HIVEP3: variants seen among roughly 807,000 people sequenced by gnomAD.
The protein encoded by HIVEP3 is transcription factor HIVEP3.
HIVEP3 carries 49 observed loss-of-function variants against 152.8 expected under a neutral mutation model. The observed-to-expected ratio is 0.32, with a 90% CI of 0.26 to 0.41. HIVEP3 has a LOEUF of 0.41. HIVEP3 is among the 10% of genes least tolerant of loss of function. The pLI is 1.00. For missense variants in HIVEP3, 2,790 were observed against 3,103.3 expected, an observed-to-expected ratio of 0.90 and a Z score of 2.40; for synonymous variants, 1,269 against 1,289.0, an observed-to-expected ratio of 0.98 and a Z score of 0.33.
Position 41,889,030 on chromosome 1 carries a change from C to T in HIVEP3, c.-801+29383G>A, listed in dbSNP as rs560204470. 3.2e-3 allele frequency among the ~76,000 whole-genome samples: 471 copies of T among 146,544 alleles called. 3 individuals carry two copies. The highest frequency in any genetic ancestry group is 0.012 in the African/African-American group (450 of 38,802). ...ACATACACACACCACATACCTCACACGCTACACACACACACACACACCACA... is the reference window on the plus strand; with the variant it reads ...ACATACACACACCACATACCTCACATGCTACACACACACACACACACCACA... On this transcript the variant is annotated intron_variant, in intron 1 of 8. Coordinates refer to ENST00000372583, the MANE Select transcript of HIVEP3 (RefSeq NM_024503.5).
At chr1:41,933,863 C>A (rs1405175102) in intron 1 of HIVEP3, among the ~76,000 whole-genome samples, 1 of 152,036 alleles carries the variant, frequency 6.6e-6, no homozygotes, top group Non-Finnish European at 1.5e-5. Context: ...GAAGCAGCAG[C>A]CTTCCCAGTG....
rs35313511 is a variant in HIVEP3 at position 41,745,950 on chromosome 1, C to A, written c.-800-44955G>T. ...GGCATCAAGAATCCTCAATCAGTAT[C>A]TGTTAAATGAATAAATGAAGGAATG... On this transcript the variant is annotated intron_variant, in intron 1 of 8. Coordinates refer to ENST00000372583, the MANE Select transcript of HIVEP3 (RefSeq NM_024503.5). Among the ~76,000 whole-genome samples the A allele has an allele frequency of 5.9e-3, 893 of 152,316 alleles. 4 individuals are homozygous for A. The highest frequency in any genetic ancestry group is 0.031 in the Middle Eastern group (9 of 294).
At chr1:41,655,582 CAAAAAAAAAAAA>C (rs55918119) in intron 2 of HIVEP3, among the ~76,000 whole-genome samples, 6 of 57,410 alleles carry the variant, frequency 1.0e-4, no homozygotes, top group African/African-American at 2.7e-4. Context: ...CACTCCATCT[CAAAAAAAAAAAA>C]AAAAAAAAAA....
Position 41,524,720 on chromosome 1 carries a change from C to G in HIVEP3, c.5383+15G>C, listed in dbSNP as rs1418054107. ...GCAGCGGGCAGGGGCAGTGCCCCAG[C>G]TGACTCTCTCTTACCTTTGGTTTTA... On this transcript the variant is annotated intron_variant, in intron 6 of 8. Coordinates refer to ENST00000372583, the MANE Select transcript of HIVEP3 (RefSeq NM_024503.5). 6.2e-7 allele frequency: 1 copy of G among 1,612,494 alleles called. No homozygotes were observed. Among genetic ancestry groups the G allele is most frequent in the Non-Finnish European group, 8.5e-7 (1 of 1,179,368 alleles).
chr1:41,867,133 A>G (rs536898021), intron 1 of HIVEP3, among the ~76,000 whole-genome samples: 24 of 152,048 alleles, frequency 1.6e-4, no homozygotes, highest in Admixed American at 1.3e-3. Flanking sequence ...GAGAGGGGAC[A>G]CTCCAGCAGG....
At chr1:41,801,676 G>A (rs778091220) in intron 1 of HIVEP3, among the ~76,000 whole-genome samples, 3 of 151,814 alleles carry the variant, frequency 2.0e-5, no homozygotes, top group Non-Finnish European at 4.4e-5. Flanking sequence ...CCCGGGAGGC[G>A]GAGCTTGCAG....
chr1:41,745,055 G>C (rs1647051921), intron 1 of HIVEP3, among the ~76,000 whole-genome samples: 1 of 152,196 alleles, frequency 6.6e-6, no homozygotes, highest in African/African-American at 2.4e-5. Context: ...CAGAACCTGG[G>C]GGTCCCAGCA....
At chr1:41,685,108 A>G (rs1462484055) in intron 2 of HIVEP3, among the ~76,000 whole-genome samples, 1 of 152,094 alleles carries the variant, frequency 6.6e-6, no homozygotes, top group Non-Finnish European at 1.5e-5. Context: ...CCATCCATAC[A>G]CTGAAAAATT....
At chr1:41,890,079 G>A (rs143983442) in intron 1 of HIVEP3, among the ~76,000 whole-genome samples, 5 of 152,360 alleles carry the variant, frequency 3.3e-5, no homozygotes, top group African/African-American at 9.6e-5. Flanking sequence ...GTGCCACTGG[G>A]CATGTGATTC....
At chr1:42,017,685 C>A (rs996237678) in intron 1 of HIVEP3, among the ~76,000 whole-genome samples, 2 of 151,978 alleles carry the variant, frequency 1.3e-5, no homozygotes, top group Admixed American at 1.3e-4. Flanking sequence ...TGGGTTGCTT[C>A]CAGTTTGAGG....
chr1:41,957,356 C>T (rs765260796), intron 1 of HIVEP3, among the ~76,000 whole-genome samples: 2 of 152,194 alleles, frequency 1.3e-5, no homozygotes, highest in Admixed American at 6.5e-5. Flanking sequence ...CACTGCTAAA[C>T]AAGTAGGGGT....
At chr1:41,778,465 A>G (rs1017332786) in intron 1 of HIVEP3, among the ~76,000 whole-genome samples, 6 of 152,126 alleles carry the variant, frequency 3.9e-5, no homozygotes, top group Non-Finnish European at 8.8e-5. Context: ...GACATTGAAT[A>G]CCTGGGAGTG....
intron 1 of HIVEP3, among the ~76,000 whole-genome samples, chr1:41,832,462 C>G (rs1642991829): frequency 1.3e-5 from 2 of 152,146 alleles, no homozygotes; most frequent in Non-Finnish European, 2.9e-5. Context: ...GCCTAGAACA[C>G]AGAGGCTGCA....
Position 41,580,421 on chromosome 1 carries a change from A to G in HIVEP3, c.4377T>C (p.Asp1459=). 6.2e-7 allele frequency: 1 copy of G among 1,614,074 alleles called. No homozygotes were observed. Among genetic ancestry groups the G allele is most frequent in the Non-Finnish European group, 8.5e-7 (1 of 1,180,014 alleles). The change falls in exon 4 of 9, where the codon GAT becomes GAC. Residue 1459 remains aspartate (D), a synonymous_variant. Coordinates refer to ENST00000372583, the MANE Select transcript of HIVEP3 (RefSeq NM_024503.5). ...ATGGTTTTACCAGCTCAAGTTTTTCATCTGCCTTGGAAGCCTCCTCCTCCT... is the reference window on the plus strand; with the variant it reads ...ATGGTTTTACCAGCTCAAGTTTTTCGTCTGCCTTGGAAGCCTCCTCCTCCT... The part of the protein sequence containing the change: ...RVKEEEASKA[D]EKLELVKPCS...
In HIVEP3 at chr1:41,513,503, G is replaced by A. The variant is rs141816288; in HGVS notation, c.5718C>T (p.Pro1906=). ...CTCGTGTAGCCTCCGTGCCAGAGGC[G>A]GGGGCATCTGGGGGCTGAGGGCCCA... The part of the protein sequence containing the change: ...PILGPQPPDA[P]ASGTEATRGS... The change falls in exon 8 of 9, where the codon CCC becomes CCT. Residue 1906 remains proline, a synonymous_variant. Transcript: ENST00000372583. 1.2e-4 allele frequency: 188 copies of A among 1,603,802 alleles called. No individual in the cohort carries two copies. The highest frequency in any genetic ancestry group is 1.7e-4 in the South Asian group (15 of 90,416).
At chr1:42,015,106 G>T (rs1645514459) in intron 1 of HIVEP3, among the ~76,000 whole-genome samples, 1 of 152,104 alleles carries the variant, frequency 6.6e-6, no homozygotes, top group South Asian at 2.1e-4. Context: ...GAAATCCCCG[G>T]GGCTCATGGC....
At chr1:41,738,690 C>T (rs1010751377) in intron 1 of HIVEP3, among the ~76,000 whole-genome samples, 2 of 152,202 alleles carry the variant, frequency 1.3e-5, no homozygotes, top group Non-Finnish European at 2.9e-5. Context: ...CCAAGCTCTG[C>T]TGCTGTGTAA....
At chr1:41,703,103 C>A (rs1646387106) in intron 1 of HIVEP3, among the ~76,000 whole-genome samples, 1 of 152,158 alleles carries the variant, frequency 6.6e-6, no homozygotes, top group Non-Finnish European at 1.5e-5. Context: ...TACTGACAAT[C>A]CATTCTGTAA....
At chr1:41,891,579 T>A (rs1557492024) in intron 1 of HIVEP3, among the ~76,000 whole-genome samples, 1 of 152,122 alleles carries the variant, frequency 6.6e-6, no homozygotes, top group African/African-American at 2.4e-5. Context: ...CATCGGTGTG[T>A]CCCCAGCACA....
Sources: gnomAD v4.1 joint callset for allele counts (sites outside exome capture counted in the v4.1 genomes callset) on GRCh38, gnomAD v4.1.1 for gene constraint, MANE v1.5 for transcripts, NCBI Gene and HGNC (gene_info 2026-07-23, HGNC 2026-07-21) for gene names.